The following DYNC1I1 variants were observed in gnomAD, a reference collection of about 807,000 sequenced individuals.
DYNC1I1 encodes the protein cytoplasmic dynein 1 intermediate chain 1.
DYNC1I1 carries 43 observed loss-of-function variants against 86.6 expected under a neutral mutation model. The observed-to-expected ratio is 0.50, with a 90% CI of 0.39 to 0.64. The LOEUF (loss-of-function observed/expected upper bound fraction) is 0.64, where lower values mean the gene tolerates loss of function less well. DYNC1I1 is among the 30% of genes least tolerant of loss of function. DYNC1I1 has a pLI of 0.00. For synonymous variants in DYNC1I1, 262 were observed against 283.7 expected (o/e 0.92, Z 0.77); for missense variants, 604 against 788.8 (o/e 0.77, Z 2.81).
intron 10 of DYNC1I1, among the ~76,000 whole-genome samples, chr7:96,008,446 A>AC (rs1794194764): frequency 6.6e-6 from 1 of 152,154 alleles, no homozygotes; most frequent in South Asian, 2.1e-4. Flanking sequence ...ATCCATTAAT[A>AC]CCCCTACTGA....
intron 6 of DYNC1I1, among the ~76,000 whole-genome samples, chr7:95,910,506 A>G (rs1258997187): frequency 1.3e-5 from 2 of 152,150 alleles, no homozygotes; most frequent in Non-Finnish European, 2.9e-5. Flanking sequence ...GCTCTGAGGC[A>G]TGGATTAAGG....
chr7:95,993,655 A>T (rs538066628), intron 9 of DYNC1I1, among the ~76,000 whole-genome samples: 1 of 152,282 alleles, frequency 6.6e-6, no homozygotes, highest in East Asian at 1.9e-4. Context: ...GGCCACATAC[A>T]TGTGTGTCAC....
At chr7:96,048,729 C>G (rs1789294825) in intron 14 of DYNC1I1, among the ~76,000 whole-genome samples, 1 of 152,158 alleles carries the variant, frequency 6.6e-6, no homozygotes, top group Non-Finnish European at 1.5e-5. Flanking sequence ...AGGGTTCAGA[C>G]AGGAGAATGA....
intron 10 of DYNC1I1, among the ~76,000 whole-genome samples, chr7:96,025,622 A>G (rs1584259531): frequency 6.6e-6 from 1 of 152,096 alleles, no homozygotes; most frequent in African/African-American, 2.4e-5. Flanking sequence ...GACATTTAAA[A>G]TTTTTTGAAA....
At chr7:95,968,254 A>G (rs2115562576) in intron 6 of DYNC1I1, among the ~76,000 whole-genome samples, 1 of 152,180 alleles carries the variant, frequency 6.6e-6, no homozygotes, top group African/African-American at 2.4e-5. Context: ...GTATACAAAG[A>G]GATAGAATTA....
At chr7:96,008,212 G>A (rs1794188942) in intron 10 of DYNC1I1, among the ~76,000 whole-genome samples, 2 of 152,112 alleles carry the variant, frequency 1.3e-5, no homozygotes, top group African/African-American at 4.8e-5. Context: ...TCTGCTGCCT[G>A]TTCTGAATTA....
At chr7:96,076,219 C>A (rs762197282) in intron 15 of DYNC1I1, 22 bp downstream of exon 15, 4 of 1,612,532 alleles carry the variant, frequency 2.5e-6, no homozygotes, top group Admixed American at 1.7e-5. Flanking sequence ...CTCAGGCGCC[C>A]GGGCCGGAGG....
intron 6 of DYNC1I1, among the ~76,000 whole-genome samples, chr7:95,958,711 C>T (rs1792784488): frequency 6.6e-6 from 1 of 152,182 alleles, no homozygotes; most frequent in Non-Finnish European, 1.5e-5. Flanking sequence ...AGCTAATTGA[C>T]AAATTTTTGC....
chr7:95,844,843 T>A (rs1276015023), intron 5 of DYNC1I1, among the ~76,000 whole-genome samples: 1 of 152,188 alleles, frequency 6.6e-6, no homozygotes, highest in Admixed American at 6.5e-5. Context: ...TCTTGTGACC[T>A]CCAGAATAAT....
At chr7:95,991,307 A>G (rs1169493537) in intron 9 of DYNC1I1, among the ~76,000 whole-genome samples, 1 of 152,178 alleles carries the variant, frequency 6.6e-6, no homozygotes, top group African/African-American at 2.4e-5. Context: ...GCCACATATT[A>G]ATACTACAAC....
chr7:95,836,987 C>T (rs1246137273), intron 5 of DYNC1I1, among the ~76,000 whole-genome samples: 1 of 152,170 alleles, frequency 6.6e-6, no homozygotes, highest in Non-Finnish European at 1.5e-5. Flanking sequence ...CGTTCTCCGT[C>T]CAGCTTTGTT....
At chr7:95,976,636 A>G (rs1793310134) in intron 6 of DYNC1I1, among the ~76,000 whole-genome samples, 1 of 152,220 alleles carries the variant, frequency 6.6e-6, no homozygotes, top group Non-Finnish European at 1.5e-5. Flanking sequence ...CAATGAAATC[A>G]ATAACCTACA....
In DYNC1I1 at chr7:96,068,636, T is replaced by C. The variant is rs997380833; in HGVS notation, c.1510-7421T>C. Among the ~76,000 whole-genome samples the C allele has an allele frequency of 1.1e-4, 16 of 152,324 alleles. 1 individual carries two copies. The highest frequency in any genetic ancestry group is 2.9e-4 in the African/African-American group (12 of 41,580). ...AAAATCTTCTAAATGTCATGGTTAC[T>C]AAATGTAGCGAGATCACTAATGTGA... On this transcript the variant is annotated intron_variant, in intron 14 of 16. Transcript: ENST00000447467.
intron 6 of DYNC1I1, among the ~76,000 whole-genome samples, chr7:95,974,028 G>T (rs1225062973): frequency 6.6e-6 from 1 of 152,060 alleles, no homozygotes; most frequent in East Asian, 1.9e-4. Flanking sequence ...TTCCTCCAAG[G>T]TCTTCACACA....
chr7:95,912,981 A>G lies in DYNC1I1; in HGVS notation c.490+42983A>G, dbSNP rs529160416. Among the ~76,000 whole-genome samples the G allele has an allele frequency of 2.0e-5, 3 of 152,296 alleles. No homozygotes were observed. The East Asian group carries it at 5.8e-4, about 29-fold the overall frequency. On this transcript the variant is annotated intron_variant, in intron 6 of 16. Transcript: ENST00000447467. ...GAACCAACTTTTGCAAGTTGGCTAAAAAAAAGAAAGAAAGCAAGCTAGTTA... is the reference window on the plus strand; with the variant it reads ...GAACCAACTTTTGCAAGTTGGCTAAGAAAAAGAAAGAAAGCAAGCTAGTTA...
At chr7:95,974,791 C>T (rs1793261082) in intron 6 of DYNC1I1, among the ~76,000 whole-genome samples, 1 of 152,208 alleles carries the variant, frequency 6.6e-6, no homozygotes, top group African/African-American at 2.4e-5. Context: ...ACCTTCTCAG[C>T]TACAACTTGT....
chr7:95,991,005 G>A (rs1793715993), intron 9 of DYNC1I1, among the ~76,000 whole-genome samples: 1 of 151,346 alleles, frequency 6.6e-6, no homozygotes. Flanking sequence ...TTCAAGGCTG[G>A]GAGACAGATC....
At chr7:95,977,445 C>T (rs1793334272) in intron 6 of DYNC1I1, 67 bp from the exon 7 acceptor site, 3 of 1,480,054 alleles carry the variant, frequency 2.0e-6, no homozygotes, top group Non-Finnish European at 2.8e-6. Context: ...CCCTACCTCC[C>T]ACTATCAACC....
At chr7:95,955,184 G>T (rs1332611511) in intron 6 of DYNC1I1, among the ~76,000 whole-genome samples, 1 of 152,154 alleles carries the variant, frequency 6.6e-6, no homozygotes, top group Non-Finnish European at 1.5e-5. Context: ...ATGTGAATTA[G>T]CTTGGTTTGG....
Sources: allele counts gnomAD v4.1 joint callset (sites outside exome capture counted in the v4.1 genomes callset), GRCh38; gene constraint gnomAD v4.1.1; transcripts MANE v1.5; gene names NCBI Gene and HGNC (gene_info 2026-07-23, HGNC 2026-07-21).